SYPL1: variants seen among roughly 807,000 people sequenced by gnomAD.
SYPL1 encodes synaptophysin like 1, also known as synaptophysin-like protein 1.
In SYPL1, 6 loss-of-function variants were observed where a neutral mutation model predicts 23.7. That is an observed-to-expected ratio of 0.25 (90% CI 0.14 to 0.50). The LOEUF (loss-of-function observed/expected upper bound fraction) is 0.50, where lower values mean the gene tolerates loss of function less well. SYPL1 is among the 20% of genes least tolerant of loss of function. SYPL1 has a pLI of 0.98. For missense variants in SYPL1, 253 were observed against 288.9 expected (o/e 0.88, Z 0.90); for synonymous variants, 102 against 104.5 (o/e 0.98, Z 0.15).
At position 106,100,900 on chromosome 7, in the gene SYPL1, T is replaced by A. The variant is rs1186940063; in HGVS notation, c.70-1618A>T. 6.6e-6 allele frequency among the ~76,000 whole-genome samples: 1 copy of A among 152,240 alleles called. No individual in the cohort carries two copies. The highest frequency in any genetic ancestry group is 6.5e-5 in the Admixed American group (1 of 15,288). Reference sequence around the variant, plus strand: ...GCCTGCAAGATCCTTTCTTCCCTTATATTTCTGACCTCATGTTGCTACTTT... The same window carrying A: ...GCCTGCAAGATCCTTTCTTCCCTTAAATTTCTGACCTCATGTTGCTACTTT... On this transcript the variant is annotated intron_variant, in intron 1 of 4. Transcript: ENST00000455385. The surrounding 1 kb of genome is among the most constrained non-coding windows in gnomAD (Gnocchi z 5.1).
At position 106,097,134 on chromosome 7, in the gene SYPL1, T is replaced by C. The variant is rs922555725; in HGVS notation, c.402+556A>G. ...AGGAGGATCATTTGAGCCCAGGAGG[T>C]TGAGGCTGCAGCAAGCCAAGATGGT... On this transcript the variant is annotated intron_variant, in intron 3 of 4. Coordinates refer to ENST00000455385, the MANE Select transcript of SYPL1 (RefSeq NM_182715.4). The surrounding 1 kb of genome is among the most constrained non-coding windows in gnomAD (Gnocchi z 4.6). 2.0e-5 allele frequency among the ~76,000 whole-genome samples: 3 copies of C among 152,144 alleles called. No individual in the cohort carries two copies. The highest frequency in any genetic ancestry group is 2.9e-5 in the Non-Finnish European group (2 of 68,020).
In SYPL1 at chr7:106,093,702, C is replaced by T. The variant is rs968251757; in HGVS notation, c.403-565G>A. Among the ~76,000 whole-genome samples, 13 of 127,136 alleles carry T rather than the reference C, an allele frequency of 1.0e-4. 1 individual carries two copies. Among genetic ancestry groups the T allele is most frequent in the African/African-American group, 3.0e-4 (12 of 40,546 alleles). The allele number at this position is 127,136 out of a possible 152,430, so 83.4% of individuals were successfully genotyped here. ...ATCTCTTGCACATACTCTCAACTCA[C>T]TTATCCTTCTTCTGCAAAACTCTAA... On this transcript the variant is annotated intron_variant, in intron 3 of 4. Coordinates refer to ENST00000455385, the MANE Select transcript of SYPL1 (RefSeq NM_182715.4).
In SYPL1 at chr7:106,102,991, TCAAG is replaced by T. The variant is rs772411138; in HGVS notation, c.70-3713_70-3710del. On this transcript the variant is annotated intron_variant, in intron 1 of 4. Transcript: ENST00000455385. ...TTCAACTACAGAAAAAAAATCTTAA[TCAAG>T]TCAGCTGTTGAATGTAAAACAAGCT... is the stretch of plus-strand genomic sequence containing the variant. 4.9e-4 allele frequency among the ~76,000 whole-genome samples: 75 copies of T among 151,678 alleles called. 1 individual carries two copies. Among genetic ancestry groups the T allele is most frequent in the Admixed American group, 2.0e-4 (3 of 15,264 alleles).
At chr7:106,093,873 G>A (rs1378920638) in intron 3 of SYPL1, among the ~76,000 whole-genome samples, 1 of 69,782 alleles carries the variant, frequency 1.4e-5, no homozygotes, top group Non-Finnish European at 4.6e-5. Context: ...AATCTCCCAA[G>A]ACACCTTATC....
chr7:106,101,769 G>A (rs1176726953), intron 1 of SYPL1, among the ~76,000 whole-genome samples: 3 of 121,350 alleles, frequency 2.5e-5, no homozygotes, highest in East Asian at 2.3e-4. Flanking sequence ...ATATACCCAC[G>A]TTTAAATTAA....
rs551572164 is a variant in SYPL1, at chr7:106,109,104, T to C, written c.69+3036A>G. Among the ~76,000 whole-genome samples the C allele has an allele frequency of 1.4e-4, 22 of 152,200 alleles. No homozygotes were observed. Among genetic ancestry groups the C allele is most frequent in the Non-Finnish European group, 2.9e-4 (20 of 68,038 alleles). ...GAATGTCTGATGAAGCAGTAAAAAT[T>C]TTATTAAACCTTGACCCTTGAGTTC... On this transcript the variant is annotated intron_variant, in intron 1 of 4. Transcript: ENST00000455385. The surrounding 1 kb of genome is among the most constrained non-coding windows in gnomAD (Gnocchi z 4.3).
intron 1 of SYPL1, among the ~76,000 whole-genome samples, chr7:106,110,050 G>A (rs909103155): frequency 7.9e-5 from 12 of 152,086 alleles, no homozygotes; most frequent in African/African-American, 1.7e-4. Flanking sequence ...CATCCCCTAT[G>A]GCAGGGATTC....
Position 106,104,540 on chromosome 7 carries a change from A to AT in SYPL1, c.70-5259dup, listed in dbSNP as rs1301817025. Among the ~76,000 whole-genome samples the AT allele has an allele frequency of 6.6e-6, 1 of 152,162 alleles. No homozygotes were observed. The highest frequency in any genetic ancestry group is 1.5e-5 in the Non-Finnish European group (1 of 68,028). On this transcript the variant is annotated intron_variant, in intron 1 of 4. Coordinates refer to ENST00000455385, the MANE Select transcript of SYPL1 (RefSeq NM_182715.4). This position sits in a 1 kb window ranked among gnomAD's most constrained non-coding sequence, Gnocchi z 4.1. ...GTCTTTGCACCTGGTTTTGTTTAGG[A>AT]TTTTCAGTGACTAGCAGAAAACCTG...
chr7:106,101,092 G>C (rs748881667), intron 1 of SYPL1, among the ~76,000 whole-genome samples: 3 of 152,028 alleles, frequency 2.0e-5, no homozygotes, highest in Non-Finnish European at 4.4e-5. Context: ...CCTTCTCAGA[G>C]AGACCTTCCC....
chr7:106,101,916 G>T (rs1840345845), intron 1 of SYPL1, among the ~76,000 whole-genome samples: 1 of 151,804 alleles, frequency 6.6e-6, no homozygotes, highest in South Asian at 2.1e-4. Flanking sequence ...GGAAAGGAAT[G>T]TGGTGGTTTT....
In SYPL1 at chr7:106,091,884, T is replaced by C; in HGVS notation, c.647A>G (p.Lys216Arg). Residue 216 changes from lysine to arginine, a missense_variant, in exon 5 of 5, where the codon AAG becomes AGG. Transcript: ENST00000455385. This position sits in a 1 kb window ranked among gnomAD's most constrained non-coding sequence, Gnocchi z 5.0. ...TGATGGACTGTGTAGGCTGGTCTCC[T>C]TGTACACAAACCAAGCATTTCCTCC... ...LWGGNAWFVY[K>R]ETSLHSPSNT... 6.2e-7 allele frequency: 1 copy of C among 1,613,750 alleles called. No homozygotes were observed. The highest frequency in any genetic ancestry group is 2.2e-5 in the East Asian group (1 of 44,846).
In SYPL1 at chr7:106,090,730, A is replaced by C. The variant is rs1482747312; in HGVS notation, c.*1075T>G. 6.6e-6 allele frequency: 1 copy of C among 152,398 alleles called. No homozygotes were observed. The highest frequency in any genetic ancestry group is 1.5e-5 in the Non-Finnish European group (1 of 68,038). The allele number at this position is 152,398 out of a possible 1,614,324, so 9.4% of individuals were successfully genotyped here. On this transcript the variant is annotated 3_prime_UTR_variant, in exon 5 of 5. Transcript: ENST00000455385. Reference sequence around the variant, plus strand: ...TCAGAATATACCTATATGTGTGTGCAAAGACAATACACTCATCATATACCT... The same window carrying C: ...TCAGAATATACCTATATGTGTGTGCCAAGACAATACACTCATCATATACCT...
At chr7:106,103,742 A>G (rs1438122469) in intron 1 of SYPL1, among the ~76,000 whole-genome samples, 1 of 152,206 alleles carries the variant, frequency 6.6e-6, no homozygotes, top group African/African-American at 2.4e-5. Context: ...TGGTTAATAG[A>G]ACACTGAAAA....
intron 1 of SYPL1, among the ~76,000 whole-genome samples, chr7:106,110,413 TCTA>T (rs1442901219): frequency 2.0e-5 from 3 of 152,224 alleles, no homozygotes; most frequent in East Asian, 1.9e-4. Context: ...CCTCATTTCT[TCTA>T]CTATTCTTTG....
In SYPL1 at chr7:106,094,969, G is replaced by A. The variant is rs143114159; in HGVS notation, c.403-1832C>T. On this transcript the variant is annotated intron_variant, in intron 3 of 4. Coordinates refer to ENST00000455385, the MANE Select transcript of SYPL1 (RefSeq NM_182715.4). ...ACTCTAGTCACACTGCACTCTAAGC[G>A]AATGGTGCCACCTGGAGCTCTGCAA... 4.1e-3 allele frequency among the ~76,000 whole-genome samples: 622 copies of A among 152,268 alleles called. 4 individuals are homozygous for A. Among genetic ancestry groups the A allele is most frequent in the African/African-American group, 0.014 (597 of 41,542 alleles).
upstream of SYPL1, chr7:106,112,344 C>T (rs1260973704): frequency 8.8e-6 from 11 of 1,251,680 alleles, no homozygotes; most frequent in Middle Eastern, 3.1e-4. Context: ...GCCCGGGCGG[C>T]CGTGGGGCGG....
Position 106,097,692 on chromosome 7 carries a change from T to C in SYPL1, c.400A>G (p.Ile134Val). ...LYLDSRKLPM[I>V]DFVVTLVATF... is the part of the protein sequence containing the mutation. ...TAAAAAATAAAGTGATTACTTACTA[T>C]CATAGGAAGTTTACGACTATCCAGA... The change falls in exon 3 of 5, where the codon ATA (isoleucine) becomes GTA (valine). Residue 134 changes from isoleucine (I) to valine (V), a missense_variant and splice_region_variant. By Grantham distance (29) the Ile-to-Val change is conservative. Coordinates refer to ENST00000455385, the MANE Select transcript of SYPL1 (RefSeq NM_182715.4). This position sits in a 1 kb window ranked among gnomAD's most constrained non-coding sequence, Gnocchi z 4.6. 6.2e-7 allele frequency: 1 copy of C among 1,609,344 alleles called. No individual in the cohort carries two copies. The highest frequency in any genetic ancestry group is 8.5e-7 in the Non-Finnish European group (1 of 1,177,410).
At chr7:106,110,604 T>A (rs1490358858) in intron 1 of SYPL1, among the ~76,000 whole-genome samples, 13 of 152,226 alleles carry the variant, frequency 8.5e-5, no homozygotes, top group African/African-American at 3.1e-4. Context: ...AGTCTTTTCA[T>A]AAAAGGCTCT....
intron 1 of SYPL1, chr7:106,111,772 G>A (rs1407315596): frequency 1.3e-5 from 2 of 156,356 alleles, no homozygotes; most frequent in Admixed American, 6.5e-5. Context: ...GCGCGACGCC[G>A]GCCGCCGGGT....
Sources: allele counts gnomAD v4.1 joint callset (sites outside exome capture counted in the v4.1 genomes callset), GRCh38; gene constraint gnomAD v4.1.1; non-coding constraint Gnocchi (gnomAD v3.1); transcripts MANE v1.5; gene names NCBI Gene and HGNC (gene_info 2026-07-23, HGNC 2026-07-21).